Variants in BMP6 observed in about 807,000 individuals in gnomAD.
BMP6 encodes VG-1-R.
A neutral mutation model predicts 54.1 loss-of-function variants in BMP6; 17 were observed. That is an observed-to-expected ratio of 0.31 (90% confidence interval 0.22 to 0.47). The LOEUF is 0.47. Among genes scored for constraint, BMP6 ranks in the 20% least tolerant of loss-of-function variants. BMP6 has a pLI of 1.00. For missense variants in BMP6, 720 were observed against 690.4 expected (o/e 1.04, Z -0.48); for synonymous variants, 328 against 291.2 (o/e 1.13, Z -1.28).
intron 1 of BMP6, among the ~76,000 whole-genome samples, chr6:7,740,950 A>G (rs1264995729): frequency 6.6e-6 from 1 of 151,866 alleles, no homozygotes; most frequent in African/African-American, 2.4e-5. Context: ...TGCAGGTGTG[A>G]TCTGTTAGTC....
intron 1 of BMP6, among the ~76,000 whole-genome samples, chr6:7,817,918 G>A (rs1303721436): frequency 6.6e-6 from 1 of 152,196 alleles, no homozygotes; most frequent in Non-Finnish European, 1.5e-5. Flanking sequence ...ACTGAGGTTT[G>A]TGGATGGCAA....
At chr6:7,861,016 CATAAT>C (rs1443287070) in intron 2 of BMP6, among the ~76,000 whole-genome samples, 4 of 150,668 alleles carry the variant, frequency 2.7e-5, no homozygotes. Flanking sequence ...ATTTTTAAAA[CATAAT>C]AGAAGTATTA....
At chr6:7,843,510 G>A (rs1287426825) in intron 1 of BMP6, among the ~76,000 whole-genome samples, 9 of 150,310 alleles carry the variant, frequency 6.0e-5, no homozygotes, top group Admixed American at 2.0e-4. Context: ...AACAACATGT[G>A]TAAGAGAAAG....
intron 1 of BMP6, among the ~76,000 whole-genome samples, chr6:7,822,288 G>A (rs183104476): frequency 1.4e-4 from 22 of 152,284 alleles, no homozygotes; most frequent in African/African-American, 5.3e-4. Context: ...CCAAAGTGTT[G>A]GGATTACAGG....
chr6:7,823,414 CA>C (rs1376327989), intron 1 of BMP6, among the ~76,000 whole-genome samples: 9 of 152,312 alleles, frequency 5.9e-5, no homozygotes, highest in Middle Eastern at 6.8e-3. Context: ...TATTGACTAT[CA>C]GCTATGTGAC....
At chr6:7,835,279 G>T (rs780694401) in intron 1 of BMP6, among the ~76,000 whole-genome samples, 1 of 152,034 alleles carries the variant, frequency 6.6e-6, no homozygotes, top group Non-Finnish European at 1.5e-5. Context: ...CCCGCCACCA[G>T]GCCCGGCTAA....
At chr6:7,765,124 C>A (rs1352795200) in intron 1 of BMP6, among the ~76,000 whole-genome samples, 1 of 152,176 alleles carries the variant, frequency 6.6e-6, no homozygotes, top group African/African-American at 2.4e-5. Context: ...CAGGCATGGA[C>A]CATTCCCGAG....
intron 1 of BMP6, among the ~76,000 whole-genome samples, chr6:7,779,211 T>G (rs1203265688): frequency 6.6e-6 from 1 of 152,250 alleles, no homozygotes; most frequent in African/African-American, 2.4e-5. Flanking sequence ...AGTACGTTAT[T>G]GAAGTGTCCC....
At chr6:7,737,922 T>C (rs1282635668) in intron 1 of BMP6, among the ~76,000 whole-genome samples, 3 of 152,164 alleles carry the variant, frequency 2.0e-5, no homozygotes, top group East Asian at 1.9e-4. Context: ...GAGGCTTGAA[T>C]TTGGGCTCTA....
At chr6:7,839,858 T>C (rs763901782) in intron 1 of BMP6, among the ~76,000 whole-genome samples, 1 of 152,390 alleles carries the variant, frequency 6.6e-6, no homozygotes. Flanking sequence ...GCTAATTTTA[T>C]GTTTGTTTGA....
intron 1 of BMP6, among the ~76,000 whole-genome samples, chr6:7,741,226 A>G (rs1292885182): frequency 6.6e-6 from 1 of 152,192 alleles, no homozygotes; most frequent in Non-Finnish European, 1.5e-5. Flanking sequence ...TTAGAAGAAC[A>G]TTTGGGGCCA....
At chr6:7,791,044 C>A (rs11759532) in intron 1 of BMP6, among the ~76,000 whole-genome samples, 56,640 of 151,912 alleles carry the variant, frequency 0.37, 10,860 homozygotes, top group East Asian at 0.55. Flanking sequence ...CCCTCTCCTC[C>A]GACAAAATCC....
intron 1 of BMP6, among the ~76,000 whole-genome samples, chr6:7,784,467 G>A (rs180831021): frequency 1.5e-4 from 23 of 152,140 alleles, no homozygotes; most frequent in South Asian, 6.2e-4. Flanking sequence ...GTGTGTGTTC[G>A]GATCACGTGA....
chr6:7,738,839 A>G (rs1199091812), intron 1 of BMP6, among the ~76,000 whole-genome samples: 1 of 152,228 alleles, frequency 6.6e-6, no homozygotes, highest in African/African-American at 2.4e-5. Context: ...ACTTTAAAGC[A>G]TCTCCTGTGC....
chr6:7,820,308 A>T (rs746651994), intron 1 of BMP6, among the ~76,000 whole-genome samples: 12 of 152,212 alleles, frequency 7.9e-5, no homozygotes, highest in Non-Finnish European at 1.2e-4. Context: ...CTAATACAGG[A>T]CTAAGACTTT....
In BMP6 at chr6:7,859,486, C is replaced by T. The variant is rs138664794; in HGVS notation, c.858-1965C>T. On this transcript the variant is annotated intron_variant, in intron 2 of 6. Coordinates refer to ENST00000283147, the MANE Select transcript of BMP6 (RefSeq NM_001718.6). ...TAGAGAGTGCCAGCCACATTCTGCCCGTGACACCGATGTGTGCCGTGCTTC... is the reference window on the plus strand; with the variant it reads ...TAGAGAGTGCCAGCCACATTCTGCCTGTGACACCGATGTGTGCCGTGCTTC... Among the ~76,000 whole-genome samples, 78 of 152,102 alleles carry T rather than the reference C, an allele frequency of 5.1e-4. 1 individual carries two copies. In the Middle Eastern group the frequency reaches 0.01, roughly 20 times the overall value.
chr6:7,818,674 G>A (rs1249261026), intron 1 of BMP6, among the ~76,000 whole-genome samples: 1 of 152,202 alleles, frequency 6.6e-6, no homozygotes, highest in Non-Finnish European at 1.5e-5. Context: ...CTCAAACCAA[G>A]GGGCCTCCTC....
chr6:7,871,586 G>T (rs1277724559), intron 4 of BMP6, among the ~76,000 whole-genome samples: 1 of 152,236 alleles, frequency 6.6e-6, no homozygotes, highest in Non-Finnish European at 1.5e-5. Flanking sequence ...GCCTTGTCTT[G>T]AGGGGGAAAA....
chr6:7,820,472 T>A (rs1184501142), intron 1 of BMP6, among the ~76,000 whole-genome samples: 1 of 152,226 alleles, frequency 6.6e-6, no homozygotes, highest in African/African-American at 2.4e-5. Flanking sequence ...CTCTTTTTGC[T>A]TCACGTGACC....
Sources: allele counts gnomAD v4.1 joint callset (sites outside exome capture counted in the v4.1 genomes callset), GRCh38; gene constraint gnomAD v4.1.1; transcripts MANE v1.5; gene names NCBI Gene and HGNC (gene_info 2026-07-23, HGNC 2026-07-21).